Variants in BBX observed in about 807,000 individuals in gnomAD.
The protein encoded by BBX is HMG box transcription factor BBX.
Under a neutral mutation model 100.2 loss-of-function variants are expected in BBX, and 30 were observed. That is an observed-to-expected ratio of 0.30 (90% confidence interval 0.22 to 0.41). The LOEUF (loss-of-function observed/expected upper bound fraction) is 0.41, where lower values mean the gene tolerates loss of function less well. Among genes scored for constraint, BBX ranks in the 10% least tolerant of loss-of-function variants. BBX has a pLI of 1.00. For missense variants in BBX, 1,023 were observed against 1,129.8 expected (o/e 0.91, Z 1.35); for synonymous variants, 376 against 388.1 (o/e 0.97, Z 0.37).
chr3:107,722,910 C>T (rs2062643963), intron 5 of BBX, among the ~76,000 whole-genome samples: 1 of 151,950 alleles, frequency 6.6e-6, no homozygotes, highest in Non-Finnish European at 1.5e-5. Flanking sequence ...TTCTCTTCTT[C>T]CACCCTTGTA....
chr3:107,660,239 A>G (rs2058374083), intron 3 of BBX, among the ~76,000 whole-genome samples: 1 of 152,104 alleles, frequency 6.6e-6, no homozygotes, highest in South Asian at 2.1e-4. Flanking sequence ...TTTAACAAAT[A>G]TATTTGTAAT....
intron 2 of BBX, among the ~76,000 whole-genome samples, chr3:107,557,660 C>T (rs2050181324): frequency 1.3e-5 from 2 of 152,216 alleles, no homozygotes; most frequent in Non-Finnish European, 2.9e-5. Context: ...ATTTCTTGAA[C>T]ATTGCCTGCA....
chr3:107,615,370 C>T (rs1208732069), intron 2 of BBX, among the ~76,000 whole-genome samples: 1 of 152,138 alleles, frequency 6.6e-6, no homozygotes, highest in Non-Finnish European at 1.5e-5. Flanking sequence ...AGCTTATAAA[C>T]AACAGAAATT....
At chr3:107,790,196 A>G (rs1023730449) in intron 14 of BBX, among the ~76,000 whole-genome samples, 1 of 151,858 alleles carries the variant, frequency 6.6e-6, no homozygotes, top group Non-Finnish European at 1.5e-5. Context: ...ATTTTCTTTG[A>G]CTATTCTTGG....
Position 107,774,774 on chromosome 3 carries a change from A to G in BBX, c.1971A>G (p.Glu657=). The part of the protein sequence containing the change: ...NSSDHEGCWN[E]ESWTFSQSGT... ...CTGATCATGAAGGGTGTTGGAATGA[A>G]GAAAGCTGGACATTTAGTCAGAGTG... Residue 657 remains glutamate, a synonymous_variant, in exon 12 of 18, where the codon GAA becomes GAG. Transcript: ENST00000325805. The G allele has an allele frequency of 6.2e-7, 1 of 1,613,652 alleles. No homozygotes were observed. The highest frequency in any genetic ancestry group is 1.1e-5 in the South Asian group (1 of 91,072).
At chr3:107,615,665 T>C (rs2055198415) in intron 2 of BBX, among the ~76,000 whole-genome samples, 1 of 152,128 alleles carries the variant, frequency 6.6e-6, no homozygotes, top group South Asian at 2.1e-4. Context: ...TGACAACTAC[T>C]GAAACAGGGA....
At chr3:107,590,357 C>A (rs1469437236) in intron 2 of BBX, among the ~76,000 whole-genome samples, 2 of 152,148 alleles carry the variant, frequency 1.3e-5, no homozygotes, top group Non-Finnish European at 2.9e-5. Context: ...GTTGGGATAT[C>A]ACCTCAAACA....
intron 15 of BBX, among the ~76,000 whole-genome samples, chr3:107,795,613 CTTTTTTTTTTTTT>C (rs1158136233): frequency 3.3e-5 from 2 of 60,034 alleles, no homozygotes; most frequent in South Asian, 8.0e-4. Context: ...CCGACGTAGT[CTTTTTTTTTTTTT>C]TTTTTTTTTT....
chr3:107,597,837 GGTTTTGTTTT>G (rs71299353), intron 2 of BBX, among the ~76,000 whole-genome samples: 47 of 152,118 alleles, frequency 3.1e-4, no homozygotes, highest in African/African-American at 4.8e-4. Flanking sequence ...CCTGCCCAGA[GGTTTTGTTTT>G]GTTTTGTTTT....
At chr3:107,722,731 GT>G (rs1385627491) in intron 5 of BBX, among the ~76,000 whole-genome samples, 4 of 152,044 alleles carry the variant, frequency 2.6e-5, no homozygotes, top group African/African-American at 9.6e-5. Flanking sequence ...TCAATTTTCT[GT>G]CAGTGAAATA....
intron 2 of BBX, among the ~76,000 whole-genome samples, chr3:107,631,774 T>C (rs1406385792): frequency 6.6e-6 from 1 of 152,214 alleles, no homozygotes; most frequent in African/African-American, 2.4e-5. Flanking sequence ...CTGCAGTTGA[T>C]ACTTTTCTGC....
intron 13 of BBX, among the ~76,000 whole-genome samples, chr3:107,785,025 A>G (rs541431421): frequency 1.1e-3 from 163 of 151,968 alleles, no homozygotes; most frequent in Middle Eastern, 0.01. Context: ...AAACAATACT[A>G]TAAACAACTA....
intron 2 of BBX, among the ~76,000 whole-genome samples, chr3:107,627,177 C>T (rs1195232657): frequency 6.6e-6 from 1 of 152,206 alleles, no homozygotes; most frequent in Non-Finnish European, 1.5e-5. Context: ...ACCACCTTAT[C>T]TTACCGGATT....
At chr3:107,744,541 T>C in intron 7 of BBX, 89 bp from the exon 8 acceptor site, 5 of 960,920 alleles carry the variant, frequency 5.2e-6, no homozygotes, top group Non-Finnish European at 8.2e-6. Context: ...TTGTTGATAA[T>C]AAAGATCGCA....
At chr3:107,552,475 A>G (rs2049781782) in intron 2 of BBX, among the ~76,000 whole-genome samples, 2 of 152,112 alleles carry the variant, frequency 1.3e-5, no homozygotes. Flanking sequence ...GGATAACCAC[A>G]GAAACCTAGG....
chr3:107,653,536 TAGAC>T (rs1344925919), intron 3 of BBX, among the ~76,000 whole-genome samples: 1 of 152,204 alleles, frequency 6.6e-6, no homozygotes, highest in African/African-American at 2.4e-5. Context: ...ATGAAGCTGA[TAGAC>T]AAGAATATTG....
chr3:107,728,808 G>A lies in BBX; in HGVS notation c.449G>A (p.Cys150Tyr). ...AAAGCAAATCCTGGCTACAAATGGT[G>A]TCCTACCACAAACAAGCCTGTGAAA... ...FMKANPGYKW[C>Y]PTTNKPVKSP... The change falls in exon 6 of 18, where the codon TGT (cysteine) becomes TAT (tyrosine). Residue 150 changes from cysteine to tyrosine, a missense_variant. Cys to Tyr is a radical substitution (Grantham distance 194). Transcript: ENST00000325805. The A allele has an allele frequency of 6.2e-7, 1 of 1,613,786 alleles. No individual in the cohort carries two copies. Among genetic ancestry groups the A allele is most frequent in the Non-Finnish European group, 8.5e-7 (1 of 1,179,818 alleles).
At chr3:107,764,728 A>C (rs557820070) in intron 10 of BBX, among the ~76,000 whole-genome samples, 76 of 152,370 alleles carry the variant, frequency 5.0e-4, no homozygotes, top group African/African-American at 1.7e-3. Flanking sequence ...GTACTGTTTC[A>C]AAGCCTGATT....
intron 9 of BBX, among the ~76,000 whole-genome samples, chr3:107,749,943 A>G (rs1211396983): frequency 6.6e-6 from 1 of 151,998 alleles, no homozygotes; most frequent in Non-Finnish European, 1.5e-5. Flanking sequence ...CATGATTGTT[A>G]TTTTAGCACC....
Sources: gnomAD v4.1 joint callset for allele counts (sites outside exome capture counted in the v4.1 genomes callset) on GRCh38, gnomAD v4.1.1 for gene constraint, MANE v1.5 for transcripts, NCBI Gene and HGNC (gene_info 2026-07-23, HGNC 2026-07-21) for gene names.